GRIP1: variants seen among roughly 807,000 people sequenced by gnomAD.
GRIP1 encodes the protein glutamate receptor interacting protein 1, also known as glutamate receptor-interacting protein 1.
GRIP1 carries 45 observed loss-of-function variants against 129.9 expected under a neutral mutation model. The ratio of observed to expected loss-of-function variants is 0.35; its 90% CI spans 0.27 to 0.44. The LOEUF is 0.44. Ranked by LOEUF, GRIP1 falls within the 20% of genes least tolerant of loss-of-function variation. The pLI, the probability that GRIP1 is intolerant of heterozygous loss-of-function variation, is 1.00. For missense variants in GRIP1, 1,196 were observed against 1,396.8 expected, an observed-to-expected ratio of 0.86 and a Z score of 2.29; for synonymous variants, 530 against 520.8, an observed-to-expected ratio of 1.02 and a Z score of -0.24.
chr12:66,962,347 T>A (rs954949811), intron 1 of GRIP1, among the ~76,000 whole-genome samples: 3 of 152,146 alleles, frequency 2.0e-5, no homozygotes, highest in African/African-American at 7.2e-5. Context: ...GGGAAAGGAA[T>A]CGAGACAGGA....
chr12:66,432,888 T>C (rs1440748439), intron 13 of GRIP1, among the ~76,000 whole-genome samples: 3 of 152,170 alleles, frequency 2.0e-5, no homozygotes, highest in African/African-American at 7.2e-5. Context: ...ACCATCTACA[T>C]CAAATTTACC....
At chr12:66,352,951 T>C (rs1056782519) in intron 24 of GRIP1, among the ~76,000 whole-genome samples, 1 of 152,010 alleles carries the variant, frequency 6.6e-6, no homozygotes, top group Non-Finnish European at 1.5e-5. Context: ...AGAGCGAGAC[T>C]CTGTCTCAAA....
Position 66,347,601 on chromosome 12 carries a change from A to AGTT in GRIP1, c.*1415_*1417dup, listed in dbSNP as rs1176587418. 1 of 152,206 alleles carries AGTT rather than the reference A, an allele frequency of 6.6e-6. No homozygotes were observed. The highest frequency in any genetic ancestry group is 6.5e-5 in the Admixed American group (1 of 15,276). The allele number at this position is 152,206 out of a possible 1,614,324, so 9.4% of individuals were successfully genotyped here. Reference sequence around the variant, plus strand: ...TTAAATTTGTACAAAAATACTTTACAGTTTAATACTTGTTTGTTACAAATA... The same window carrying AGTT: ...TTAAATTTGTACAAAAATACTTTACAGTTGTTTAATACTTGTTTGTTACAAATA... On this transcript the variant is annotated 3_prime_UTR_variant, in exon 25 of 25. Transcript: ENST00000359742.
rs187008651 is a variant in GRIP1, at chr12:66,634,324, T to C, written c.56-37397A>G. On this transcript the variant is annotated intron_variant, in intron 1 of 24. Coordinates refer to ENST00000359742, the MANE Select transcript of GRIP1 (RefSeq NM_001366722.1). Reference sequence around the variant, plus strand: ...CTTTTATGAGACTAGCTCTAAAAGATACATATAAATTTTGAAATCTATAGT... The same window carrying C: ...CTTTTATGAGACTAGCTCTAAAAGACACATATAAATTTTGAAATCTATAGT... 2.4e-3 allele frequency among the ~76,000 whole-genome samples: 370 copies of C among 152,360 alleles called. 2 individuals are homozygous for C. Among genetic ancestry groups the C allele is most frequent in the African/African-American group, 8.6e-3 (359 of 41,600 alleles).
At position 66,463,124 on chromosome 12, in the gene GRIP1, C is replaced by T. The variant is rs200088025; in HGVS notation, c.873-31G>A. 6.4e-3 allele frequency: 9,972 copies of T among 1,566,058 alleles called. 40 individuals carry two copies. Among genetic ancestry groups the T allele is most frequent in the Non-Finnish European group, 8.0e-3 (9,053 of 1,136,660 alleles). On this transcript the variant is annotated intron_variant, in intron 8 of 24. Coordinates refer to ENST00000359742, the MANE Select transcript of GRIP1 (RefSeq NM_001366722.1). ...GAAAGGAGAAATACTCGGTAAGAGG[C>T]AGTGCCTTCCTCTTTGGAATCTGAC...
upstream of GRIP1, among the ~76,000 whole-genome samples, chr12:66,805,131 T>C (rs185371472): frequency 7.2e-5 from 11 of 152,194 alleles, no homozygotes; most frequent in Non-Finnish European, 5.9e-5. Context: ...AACTCAAATA[T>C]AAACCTAGCT....
intron 1 of GRIP1, among the ~76,000 whole-genome samples, chr12:67,068,895 A>G (rs1254389518): frequency 1.8e-5 from 2 of 109,558 alleles, no homozygotes; most frequent in Non-Finnish European, 1.7e-5. Context: ...AGAGTTCGCA[A>G]GACGCCACCT....
intron 1 of GRIP1, among the ~76,000 whole-genome samples, chr12:66,688,767 C>T (rs1333976120): frequency 4.7e-5 from 7 of 147,438 alleles, no homozygotes; most frequent in African/African-American, 7.5e-5. Context: ...CAATCACTGA[C>T]TCTGAAAAAA....
chr12:66,872,512 T>C (rs2040312857), intron 1 of GRIP1, among the ~76,000 whole-genome samples: 1 of 152,080 alleles, frequency 6.6e-6, no homozygotes, highest in Non-Finnish European at 1.5e-5. Flanking sequence ...AAGGTTTGTG[T>C]TTCTTTCAAC....
At chr12:66,942,642 A>G (rs535781586) in intron 1 of GRIP1, among the ~76,000 whole-genome samples, 2 of 152,330 alleles carry the variant, frequency 1.3e-5, no homozygotes, top group Admixed American at 6.5e-5. Context: ...AGTGTGTGCT[A>G]TGATACTGAA....
At chr12:66,908,759 G>T (rs1465518371) in intron 1 of GRIP1, among the ~76,000 whole-genome samples, 1 of 152,204 alleles carries the variant, frequency 6.6e-6, no homozygotes, top group Non-Finnish European at 1.5e-5. Flanking sequence ...CTGTTTTGAT[G>T]ATGGTAGCTG....
rs1592428200 is a variant in GRIP1 at position 66,984,115 on chromosome 12, T to C, written c.58+84935A>G. On this transcript the variant is annotated intron_variant, in intron 1 of 1. Coordinates refer to the GRIP1 transcript ENST00000643019. ...GAAATCCACAGACAAATTAAGCCTC[T>C]AGTCTATACTTAAAGACTGTATTTC... is the stretch of plus-strand genomic sequence containing the variant. Among the ~76,000 whole-genome samples the C allele has an allele frequency of 2.0e-5, 3 of 152,180 alleles. No individual in the cohort carries two copies. The East Asian group carries it at 5.8e-4, about 29-fold the overall frequency.
chr12:66,916,287 A>G (rs760624822), intron 1 of GRIP1, among the ~76,000 whole-genome samples: 1 of 152,216 alleles, frequency 6.6e-6, no homozygotes, highest in Non-Finnish European at 1.5e-5. Context: ...CAACTCCCTG[A>G]GGCTGGAGTA....
chr12:66,582,726 A>G lies in GRIP1; in HGVS notation c.136+14121T>C, dbSNP rs200193888. ...GACATGAAGGACCTCTTCAAGGAGAACTACAAACCACTGCTCAATGAAATA... is the reference window on the plus strand; with the variant it reads ...GACATGAAGGACCTCTTCAAGGAGAGCTACAAACCACTGCTCAATGAAATA... On this transcript the variant is annotated intron_variant, in intron 2 of 24. Coordinates refer to ENST00000359742, the MANE Select transcript of GRIP1 (RefSeq NM_001366722.1). Among the ~76,000 whole-genome samples, 879 of 145,742 alleles carry G rather than the reference A, an allele frequency of 6.0e-3. 24 individuals are homozygous for G. The South Asian group carries it at 0.074, about 12-fold the overall frequency.
intron 1 of GRIP1, among the ~76,000 whole-genome samples, chr12:66,965,596 T>TGTGTGAGA (rs1308974868): frequency 4.1e-5 from 6 of 146,754 alleles, no homozygotes; most frequent in African/African-American, 1.5e-4. Context: ...TGTGTGTGTG[T>TGTGTGAGA]GAGATATTAT....
At chr12:67,053,472 T>G (rs1010563388) in intron 1 of GRIP1, among the ~76,000 whole-genome samples, 2 of 152,240 alleles carry the variant, frequency 1.3e-5, no homozygotes. Flanking sequence ...AAAAATCATA[T>G]GTCAGAATAA....
chr12:66,521,472 A>G (rs138193302), intron 5 of GRIP1, among the ~76,000 whole-genome samples: 327 of 152,346 alleles, frequency 2.1e-3, no homozygotes, highest in African/African-American at 7.3e-3. Context: ...AAAATCTTAT[A>G]GGTGAAGACA....
At chr12:66,531,264 T>A (rs2061451465) in intron 4 of GRIP1, among the ~76,000 whole-genome samples, 3 of 9,804 alleles carry the variant, frequency 3.1e-4, no homozygotes, top group Non-Finnish European at 4.4e-4. Flanking sequence ...TATATATATA[T>A]ATATATATAT....
intron 1 of GRIP1, among the ~76,000 whole-genome samples, chr12:66,784,933 T>C (rs914288390): frequency 6.6e-6 from 1 of 152,100 alleles, no homozygotes; most frequent in Non-Finnish European, 1.5e-5. Flanking sequence ...CTGAAGCAAA[T>C]AACATGTTGC....
Sources: allele counts gnomAD v4.1 joint callset (sites outside exome capture counted in the v4.1 genomes callset), GRCh38; gene constraint gnomAD v4.1.1; transcripts MANE v1.5; gene names NCBI Gene and HGNC (gene_info 2026-07-23, HGNC 2026-07-21).